WARS2: variants seen among roughly 807,000 people sequenced by gnomAD.
The protein encoded by WARS2 is tryptophanyl tRNA synthetase 2, mitochondrial, also known as tryptophan--tRNA ligase, mitochondrial.
WARS2 carries 28 observed loss-of-function variants against 36.5 expected under a neutral mutation model. The ratio of observed to expected loss-of-function variants is 0.77; its 90% CI spans 0.57 to 1.05. WARS2 has a LOEUF of 1.05. Among genes scored for constraint, WARS2 ranks in the 50% least tolerant of loss-of-function variants. WARS2 has a pLI of 0.00. For missense variants in WARS2, 435 were observed against 456.8 expected (o/e 0.95, Z 0.44); for synonymous variants, 174 against 178.4 (o/e 0.98, Z 0.20).
chr1:119,123,171 A>G (rs993383519), intron 1 of WARS2, among the ~76,000 whole-genome samples: 1 of 152,266 alleles, frequency 6.6e-6, no homozygotes, highest in Non-Finnish European at 1.5e-5. Context: ...GCACATTAAC[A>G]TATCTAAAGA....
chr1:119,128,074 T>A (rs942823000), intron 1 of WARS2, among the ~76,000 whole-genome samples: 1 of 152,138 alleles, frequency 6.6e-6, no homozygotes, highest in Non-Finnish European at 1.5e-5. Flanking sequence ...TTTTTTAAAA[T>A]TTTTTAACTT....
chr1:119,136,251 C>A (rs1656502070), intron 1 of WARS2, among the ~76,000 whole-genome samples: 1 of 152,138 alleles, frequency 6.6e-6, no homozygotes, highest in Admixed American at 6.5e-5. Context: ...CTCTCTTCAG[C>A]ATTTCCAGGC....
chr1:119,088,985 G>A (rs964041266), intron 1 of WARS2, among the ~76,000 whole-genome samples: 3 of 152,152 alleles, frequency 2.0e-5, no homozygotes, highest in African/African-American at 7.2e-5. Context: ...AGCTCAGTTG[G>A]TTGGCCAAGA....
intron 1 of WARS2, among the ~76,000 whole-genome samples, chr1:119,091,413 G>T (rs368454487): frequency 1.3e-5 from 2 of 152,334 alleles, no homozygotes; most frequent in East Asian, 1.9e-4. Context: ...AAATAGTGGA[G>T]CCATGACTTG....
At chr1:119,128,073 A>AT (rs1200655207) in intron 1 of WARS2, among the ~76,000 whole-genome samples, 1 of 151,816 alleles carries the variant, frequency 6.6e-6, no homozygotes, top group Admixed American at 6.6e-5. Context: ...TTTTTTTAAA[A>AT]TTTTTTAACT....
At chr1:119,053,721 T>C (rs544911691) in intron 2 of WARS2, among the ~76,000 whole-genome samples, 1 of 152,268 alleles carries the variant, frequency 6.6e-6, no homozygotes, top group South Asian at 2.1e-4. Context: ...AAATCATATG[T>C]CTGGCAAGCA....
rs773076517 is a variant in WARS2, at chr1:119,033,346, C to T, written c.648G>A (p.Lys216=). 1.9e-6 allele frequency: 3 copies of T among 1,614,206 alleles called. No homozygotes were observed. The South Asian group carries it at 3.3e-5, about 18-fold the overall frequency. The change falls in exon 6 of 6, where the codon AAG becomes AAA. Residue 216 remains lysine (K), a synonymous_variant. Transcript: ENST00000235521. ...CAGAAGGATCACGTAGGGATTTTAC[C>T]TTCTTCATGGATGCTAGGTTAAAAA... ...VPESILTSMK[K]VKSLRDPSAK...
At chr1:119,114,595 C>T (rs1654849229) in intron 1 of WARS2, among the ~76,000 whole-genome samples, 1 of 152,196 alleles carries the variant, frequency 6.6e-6, no homozygotes, top group South Asian at 2.1e-4. Flanking sequence ...GCTTCTTCAG[C>T]TTCCTGGTTC....
chr1:119,068,649 GT>G (rs1392165140), intron 2 of WARS2, among the ~76,000 whole-genome samples: 1 of 152,158 alleles, frequency 6.6e-6, no homozygotes, highest in East Asian at 1.9e-4. Context: ...CAGAGTAACA[GT>G]GAAAGATGTA....
intron 1 of WARS2, 172 bp downstream of exon 1, chr1:119,140,383 G>A: frequency 6.2e-6 from 3 of 486,300 alleles, no homozygotes; most frequent in Non-Finnish European, 1.0e-5. Flanking sequence ...ACGTATCCTT[G>A]CAACGTCACT....
intron 1 of WARS2, among the ~76,000 whole-genome samples, chr1:119,124,344 T>G (rs1207027618): frequency 1.3e-5 from 2 of 151,818 alleles, no homozygotes; most frequent in East Asian, 3.9e-4. Context: ...AATACAAAAA[T>G]TAGCCAGGTA....
intron 2 of WARS2, among the ~76,000 whole-genome samples, chr1:119,054,278 C>T (rs554172817): frequency 6.6e-6 from 1 of 151,806 alleles, no homozygotes; most frequent in Non-Finnish European, 1.5e-5. Context: ...AAATGGCCAA[C>T]AAACATATGA....
At chr1:119,134,336 A>AAAG in intron 1 of WARS2, among the ~76,000 whole-genome samples, 1 of 151,164 alleles carries the variant, frequency 6.6e-6, no homozygotes. Flanking sequence ...AAAAAAAAAA[A>AAAG]AAAAACAAAG....
Position 119,140,606 on chromosome 1 carries a change from C to G in WARS2, c.39G>C (p.Trp13Cys). The stretch of plus-strand genomic sequence containing the variant: ...CCTTATGAAGTGCCCGGATGAAGCT[C>G]CAGCGCTCACGCGCTTTCCGCATTG... The part of the protein sequence containing the change: ...LHSMRKARER[W>C]SFIRALHKGS... The change falls in exon 1 of 6, where the codon TGG becomes TGC. Residue 13 changes from tryptophan to cysteine, a missense_variant. Physicochemically the swap from Trp to Cys is radical, Grantham distance 215. Transcript: ENST00000235521. 6.2e-7 allele frequency: 1 copy of G among 1,613,944 alleles called. No homozygotes were observed. The highest frequency in any genetic ancestry group is 8.5e-7 in the Non-Finnish European group (1 of 1,179,878).
rs769956465 is a variant in WARS2, at chr1:119,057,090, G to T, written c.349-11428C>A. Among the ~76,000 whole-genome samples the T allele has an allele frequency of 2.6e-4, 39 of 151,604 alleles. 1 individual carries two copies. The highest frequency in any genetic ancestry group is 2.6e-3 in the Admixed American group (39 of 15,200). On this transcript the variant is annotated intron_variant, in intron 2 of 5. Coordinates refer to ENST00000235521, the MANE Select transcript of WARS2 (RefSeq NM_015836.4). ...GTGGGTGAACTGGTATCTTACTATG[G>T]TTTTTTTTCTGACGACTATGATGTT... is the stretch of plus-strand genomic sequence containing the variant.
At chr1:119,033,513 A>T in intron 5 of WARS2, 154 bp from the exon 6 acceptor site, 1 of 911,720 alleles carries the variant, frequency 1.1e-6, no homozygotes, top group Non-Finnish European at 1.7e-6. Context: ...TTCAGTAGAA[A>T]CTGTACTTGA....
intron 2 of WARS2, among the ~76,000 whole-genome samples, chr1:119,053,354 T>A (rs566409467): frequency 1.3e-5 from 2 of 152,324 alleles, no homozygotes; most frequent in Non-Finnish European, 2.9e-5. Context: ...ATGTTTACTA[T>A]CTATCCTTTC....
chr1:119,114,400 T>C (rs1158131406), intron 1 of WARS2, among the ~76,000 whole-genome samples: 2 of 152,194 alleles, frequency 1.3e-5, no homozygotes, highest in Admixed American at 6.5e-5. Context: ...GGAGACTTTG[T>C]TTGTTTTCAA....
intron 1 of WARS2, among the ~76,000 whole-genome samples, chr1:119,114,018 T>G (rs975134877): frequency 6.6e-6 from 1 of 152,172 alleles, no homozygotes; most frequent in Admixed American, 6.6e-5. Context: ...TCTCCTACAC[T>G]ATGCTCTTTT....
Sources: allele counts gnomAD v4.1 joint callset (sites outside exome capture counted in the v4.1 genomes callset), GRCh38; gene constraint gnomAD v4.1.1; transcripts MANE v1.5; gene names NCBI Gene and HGNC (gene_info 2026-07-23, HGNC 2026-07-21).